The following NSMCE2 variants were observed in gnomAD, a reference collection of about 807,000 sequenced individuals.
NSMCE2 encodes the protein NSE2 SUMO ligase component of SMC5/6 complex.
A neutral mutation model predicts 23.8 loss-of-function variants in NSMCE2; 24 were observed. The ratio of observed to expected loss-of-function variants is 1.01; its 90% confidence interval spans 0.73 to 1.42. The LOEUF is 1.42. NSMCE2 is among the 40% of genes most tolerant of loss of function. NSMCE2 has a pLI of 0.00. For synonymous variants in NSMCE2, 92 were observed against 94.1 expected, an observed-to-expected ratio of 0.98 and a Z score of 0.13; for missense variants, 284 against 296.5, an observed-to-expected ratio of 0.96 and a Z score of 0.31.
At chr8:125,271,044 G>A (rs1367834250) in intron 5 of NSMCE2, 1 of 152,256 alleles carries the variant, frequency 6.6e-6, no homozygotes, top group Admixed American at 6.6e-5. Flanking sequence ...GGTGGATCAC[G>A]AGGTCAGGAG....
In NSMCE2 at chr8:125,239,695, C is replaced by T. The variant is rs545021705; in HGVS notation, c.418+57439C>T. On this transcript the variant is annotated intron_variant, in intron 5 of 7. Transcript: ENST00000287437. ...AAATTACAAATTTAAAAAGAAAAATCATACCACTTCCTTCAATAAATAATT... is the reference window on the plus strand; with the variant it reads ...AAATTACAAATTTAAAAAGAAAAATTATACCACTTCCTTCAATAAATAATT... Among the ~76,000 whole-genome samples, 4 of 151,024 alleles carry T rather than the reference C, an allele frequency of 2.6e-5. No individual in the cohort carries two copies. The South Asian group carries it at 8.3e-4, about 31-fold the overall frequency.
At chr8:125,179,862 G>C (rs78878916) in intron 4 of NSMCE2, among the ~76,000 whole-genome samples, 1,942 of 152,292 alleles carry the variant, frequency 0.013, 35 homozygotes, top group African/African-American at 0.045. Flanking sequence ...GACTGTGTTA[G>C]AGACTTTGTT....
chr8:125,199,546 T>G (rs532517920), intron 5 of NSMCE2, among the ~76,000 whole-genome samples: 7 of 151,704 alleles, frequency 4.6e-5, no homozygotes, highest in Middle Eastern at 3.2e-3. Context: ...TCTGAGAGTT[T>G]GTTGTGATTT....
chr8:125,270,068 TAAG>T (rs1827113406), intron 5 of NSMCE2, among the ~76,000 whole-genome samples: 1 of 152,128 alleles, frequency 6.6e-6, no homozygotes, highest in African/African-American at 2.4e-5. Context: ...TAAGGAGCTA[TAAG>T]AAGAGAGAGA....
intron 7 of NSMCE2, among the ~76,000 whole-genome samples, chr8:125,358,963 A>C (rs1813405470): frequency 6.6e-6 from 1 of 152,090 alleles, no homozygotes; most frequent in South Asian, 2.1e-4. Context: ...TTTTTGAGTT[A>C]ACAGTTGAAA....
chr8:125,285,290 C>T (rs1490714698), intron 5 of NSMCE2, among the ~76,000 whole-genome samples: 2 of 152,186 alleles, frequency 1.3e-5, no homozygotes, highest in Non-Finnish European at 2.9e-5. Context: ...CACATCGACA[C>T]AAGAAAGTGA....
At chr8:125,196,619 G>C (rs10149280) in intron 5 of NSMCE2, among the ~76,000 whole-genome samples, 1 of 152,150 alleles carries the variant, frequency 6.6e-6, no homozygotes, top group Non-Finnish European at 1.5e-5. Flanking sequence ...CATTTGGGTT[G>C]GTTCCAAGTC....
chr8:125,270,357 C>T (rs6985382), intron 5 of NSMCE2, among the ~76,000 whole-genome samples: 16,870 of 151,968 alleles, frequency 0.11, 1,291 homozygotes, highest in African/African-American at 0.22. Flanking sequence ...CCCAGCTACT[C>T]GGGAGGCTAA....
At chr8:125,327,224 C>A (rs986453490) in intron 5 of NSMCE2, among the ~76,000 whole-genome samples, 3 of 144,558 alleles carry the variant, frequency 2.1e-5, no homozygotes, top group Non-Finnish European at 4.5e-5. Context: ...CAAGATCACA[C>A]CACTGCACCC....
chr8:125,130,257 C>T (rs1345035790), intron 3 of NSMCE2: 8 of 455,888 alleles, frequency 1.8e-5, no homozygotes, highest in East Asian at 6.9e-5. Flanking sequence ...CTTCTCATCA[C>T]GTCATATCAA....
chr8:125,130,067 C>T (rs1306141675), intron 3 of NSMCE2: 2 of 315,736 alleles, frequency 6.3e-6, no homozygotes, highest in Admixed American at 3.9e-5. Context: ...ATTTAATCAT[C>T]ATCTTCGTAG....
chr8:125,276,957 G>A (rs1827474022), intron 5 of NSMCE2, among the ~76,000 whole-genome samples: 1 of 152,232 alleles, frequency 6.6e-6, no homozygotes, highest in South Asian at 2.1e-4. Context: ...TCCCCCTGGA[G>A]TTGTGTGGTT....
At chr8:125,313,202 G>A (rs1299130073) in intron 5 of NSMCE2, among the ~76,000 whole-genome samples, 4 of 119,700 alleles carry the variant, frequency 3.3e-5, no homozygotes, top group Non-Finnish European at 5.5e-5. Context: ...AAGAGAGAGA[G>A]AAAGAAAGAA....
At chr8:125,364,236 G>A (rs117869713) in intron 7 of NSMCE2, among the ~76,000 whole-genome samples, 8,690 of 152,184 alleles carry the variant, frequency 0.057, 317 homozygotes, top group Non-Finnish European at 0.085. Context: ...GAGCCACCGT[G>A]CCTGGCCATA....
intron 4 of NSMCE2, among the ~76,000 whole-genome samples, chr8:125,177,409 T>G (rs1822551160): frequency 6.6e-6 from 1 of 152,192 alleles, no homozygotes; most frequent in Non-Finnish European, 1.5e-5. Context: ...AGCACTCTCA[T>G]TCCCATGATC....
At chr8:125,274,999 G>GATAATAATAATAATA (rs72261443) in intron 5 of NSMCE2, among the ~76,000 whole-genome samples, 65 of 142,416 alleles carry the variant, frequency 4.6e-4, no homozygotes, top group African/African-American at 1.4e-3. Context: ...ATCTGAAGAT[G>GATAATAATAATAATA]ATAATAATAA....
chr8:125,278,589 G>A (rs1827565757), intron 5 of NSMCE2, among the ~76,000 whole-genome samples: 1 of 152,336 alleles, frequency 6.6e-6, no homozygotes, highest in African/African-American at 2.4e-5. Context: ...CAGCGAACAT[G>A]TTGATGATAT....
chr8:125,319,664 A>G (rs115520370), intron 5 of NSMCE2, among the ~76,000 whole-genome samples: 2,327 of 152,250 alleles, frequency 0.015, 51 homozygotes, highest in African/African-American at 0.053. Context: ...ACTGCAGAAG[A>G]GAAGACTAGT....
chr8:125,204,096 G>A (rs1824003920), intron 5 of NSMCE2, among the ~76,000 whole-genome samples: 1 of 152,160 alleles, frequency 6.6e-6, no homozygotes, highest in African/African-American at 2.4e-5. Flanking sequence ...ATATATTTGG[G>A]AAGTGAATAA....
Sources: gnomAD v4.1 joint callset for allele counts (sites outside exome capture counted in the v4.1 genomes callset) on GRCh38, gnomAD v4.1.1 for gene constraint, MANE v1.5 for transcripts, NCBI Gene and HGNC (gene_info 2026-07-23, HGNC 2026-07-21) for gene names.